Variants in NR5A2 observed in about 807,000 individuals in gnomAD.
The protein encoded by NR5A2 is nuclear receptor subfamily 5 group A member 2.
In NR5A2, 26 loss-of-function variants were observed where a neutral mutation model predicts 62.7. The ratio of observed to expected loss-of-function variants is 0.41; its 90% CI spans 0.30 to 0.58. The LOEUF is 0.58. NR5A2 is among the 20% of genes least tolerant of loss of function. The pLI is 0.22. For missense variants in NR5A2, 541 were observed against 669.1 expected (o/e 0.81, Z 2.11); for synonymous variants, 246 against 241.7 (o/e 1.02, Z -0.16).
At chr1:200,142,188 CTTTTTTTTT>C (rs535827114) in intron 7 of NR5A2, among the ~76,000 whole-genome samples, 594 of 55,414 alleles carry the variant, frequency 0.011, 5 homozygotes, top group African/African-American at 0.036. Context: ...TTAAAGACTT[CTTTTTTTTT>C]TTTTTTTTTT....
chr1:200,038,162 G>A lies in NR5A2; in HGVS notation c.65-1496G>A, dbSNP rs1363227716. On this transcript the variant is annotated intron_variant, in intron 1 of 7. Transcript: ENST00000367362. The stretch of plus-strand genomic sequence containing the variant: ...GGCTGGGCTGGTGGTCGAAGAGCTT[G>A]CGTAACAGATGGTTCTTTAAAACAT... 2.6e-5 allele frequency among the ~76,000 whole-genome samples: 4 copies of A among 152,334 alleles called. No individual in the cohort carries two copies. In the East Asian group the frequency reaches 7.7e-4, roughly 29 times the overall value.
At chr1:200,087,892 C>T (rs1412397489) in intron 5 of NR5A2, among the ~76,000 whole-genome samples, 1 of 151,952 alleles carries the variant, frequency 6.6e-6, no homozygotes, top group African/African-American at 2.4e-5. Flanking sequence ...GCTGGGACTA[C>T]AGGCACCCAC....
chr1:200,130,278 G>GGAAGAAGAAGAAGAA (rs66507419), intron 7 of NR5A2, among the ~76,000 whole-genome samples: 201 of 106,516 alleles, frequency 1.9e-3, no homozygotes, highest in Middle Eastern at 6.0e-3. Context: ...GAACTAACTA[G>GGAAGAAGAAGAAGAA]GAAGAAGAAG....
At chr1:200,067,345 T>C (rs1430974187) in intron 5 of NR5A2, among the ~76,000 whole-genome samples, 1 of 152,078 alleles carries the variant, frequency 6.6e-6, no homozygotes, top group Non-Finnish European at 1.5e-5. Flanking sequence ...TCACTTGAGG[T>C]TGGGAGTTCA....
intron 5 of NR5A2, among the ~76,000 whole-genome samples, chr1:200,066,317 C>G (rs1663465269): frequency 6.6e-6 from 1 of 151,964 alleles, no homozygotes; most frequent in Admixed American, 6.6e-5. Context: ...TTGGCTTAAG[C>G]CTTTGGGAGC....
chr1:200,056,125 G>A (rs1327785217), intron 5 of NR5A2, among the ~76,000 whole-genome samples: 1 of 152,130 alleles, frequency 6.6e-6, no homozygotes, highest in Non-Finnish European at 1.5e-5. Flanking sequence ...AGCCTTTCTT[G>A]CTTACATACG....
At chr1:200,120,001 G>A (rs1666411636) in intron 6 of NR5A2, among the ~76,000 whole-genome samples, 1 of 151,748 alleles carries the variant, frequency 6.6e-6, no homozygotes, top group Admixed American at 6.6e-5. Context: ...AGTTATTGCT[G>A]TCTTTAGAGA....
chr1:200,171,995 ATTC>A (rs1654204328), intron 7 of NR5A2, among the ~76,000 whole-genome samples: 1 of 152,234 alleles, frequency 6.6e-6, no homozygotes. Context: ...TAAAAAGGGT[ATTC>A]TTCATTTTTC....
intron 5 of NR5A2, among the ~76,000 whole-genome samples, chr1:200,060,006 T>G (rs1185564482): frequency 6.6e-6 from 1 of 152,102 alleles, no homozygotes; most frequent in East Asian, 1.9e-4. Flanking sequence ...ACTTAAAACT[T>G]AACTCCCCTC....
At chr1:200,081,675 G>A (rs1295132093) in intron 5 of NR5A2, among the ~76,000 whole-genome samples, 1 of 151,970 alleles carries the variant, frequency 6.6e-6, no homozygotes, top group East Asian at 1.9e-4. Flanking sequence ...ACACATAGTC[G>A]CTTATTGTTG....
At chr1:200,070,460 TAGG>T (rs1457002386) in intron 5 of NR5A2, among the ~76,000 whole-genome samples, 1 of 152,050 alleles carries the variant, frequency 6.6e-6, no homozygotes, top group African/African-American at 2.4e-5. Context: ...GATGCCGAAT[TAGG>T]AGGATCACTT....
chr1:200,096,659 G>A (rs554056892), intron 5 of NR5A2, among the ~76,000 whole-genome samples: 328 of 152,310 alleles, frequency 2.2e-3, no homozygotes, highest in African/African-American at 7.6e-3. Context: ...GAAGCAGCGT[G>A]TCATTGAACA....
intron 5 of NR5A2, among the ~76,000 whole-genome samples, chr1:200,062,285 GTT>G (rs1277621287): frequency 6.9e-6 from 1 of 144,306 alleles, no homozygotes; most frequent in Non-Finnish European, 1.5e-5. Context: ...GTATCGCAGT[GTT>G]TTGAGTGCAT....
intron 7 of NR5A2, among the ~76,000 whole-genome samples, chr1:200,162,121 T>A (rs1051938262): frequency 1.3e-5 from 2 of 152,252 alleles, no homozygotes; most frequent in African/African-American, 4.8e-5. Context: ...AAATGTGAAC[T>A]GAGCTCCTCC....
chr1:200,069,338 G>A (rs1338063611), intron 5 of NR5A2, among the ~76,000 whole-genome samples: 2 of 151,246 alleles, frequency 1.3e-5, no homozygotes, highest in Non-Finnish European at 2.9e-5. Context: ...TCAGCTCACT[G>A]CAACCTCCAC....
rs1006298689 is a variant in NR5A2, at chr1:200,137,902, A to C, written c.1378+16947A>C. On this transcript the variant is annotated intron_variant, in intron 7 of 7. Transcript: ENST00000367362. ...CCCATATCAAAAGGGATTGGGGTCC[A>C]TGATACTGTAACAGTATCATTTCTA... 2.0e-5 allele frequency among the ~76,000 whole-genome samples: 3 copies of C among 152,340 alleles called. No homozygotes were observed. The South Asian group carries it at 6.2e-4, about 32-fold the overall frequency.
chr1:200,047,373 C>T (rs1022508194), intron 4 of NR5A2, among the ~76,000 whole-genome samples: 5 of 152,134 alleles, frequency 3.3e-5, no homozygotes, highest in African/African-American at 1.2e-4. Flanking sequence ...TTTGTTATTG[C>T]AACAAGGTGG....
intron 5 of NR5A2, among the ~76,000 whole-genome samples, chr1:200,063,425 T>G (rs1663321466): frequency 6.6e-6 from 1 of 152,216 alleles, no homozygotes. Context: ...CCCAAAGTGC[T>G]GTAATTACAG....
chr1:200,073,002 A>C (rs567273542), intron 5 of NR5A2, among the ~76,000 whole-genome samples: 2 of 152,238 alleles, frequency 1.3e-5, no homozygotes, highest in African/African-American at 4.8e-5. Flanking sequence ...CCTCTAGGTG[A>C]CACAAGATGT....
Sources: gnomAD v4.1 joint callset for allele counts (sites outside exome capture counted in the v4.1 genomes callset) on GRCh38, gnomAD v4.1.1 for gene constraint, MANE v1.5 for transcripts, NCBI Gene and HGNC (gene_info 2026-07-23, HGNC 2026-07-21) for gene names.